KCNQ1: variants seen among roughly 807,000 people sequenced by gnomAD.
KCNQ1 encodes the protein potassium voltage-gated channel subfamily KQT member 1.
In KCNQ1, 49 loss-of-function variants were observed where a neutral mutation model predicts 72.4. The ratio of observed to expected loss-of-function variants is 0.68; its 90% CI spans 0.54 to 0.86. The LOEUF (loss-of-function observed/expected upper bound fraction) is 0.86, where lower values mean the gene tolerates loss of function less well. KCNQ1 is among the 40% of genes least tolerant of loss of function. The probability of loss-of-function intolerance (pLI) is 0.00; values close to 1 mark genes in which losing one functional copy is unlikely to be tolerated. For synonymous variants in KCNQ1, 450 were observed against 412.6 expected (o/e 1.09, Z -1.10); for missense variants, 790 against 945.1 (o/e 0.84, Z 2.15).
At position 2,782,887 on chromosome 11, in the gene KCNQ1, C is replaced by T. The variant is rs1846848055; in HGVS notation, c.1794+4850C>T. On this transcript the variant is annotated intron_variant, in intron 15 of 15. Coordinates refer to ENST00000155840, the MANE Select transcript of KCNQ1 (RefSeq NM_000218.3). This position sits in a 1 kb window ranked among gnomAD's most constrained non-coding sequence, Gnocchi z 6.1. ...TTCGTGGACTTCTGGCTTTGCTGAT[C>T]CTCTCTATTGTGATTTTGTTTTGTT... 6.6e-6 allele frequency among the ~76,000 whole-genome samples: 1 copy of T among 152,018 alleles called. No individual in the cohort carries two copies. The highest frequency in any genetic ancestry group is 2.1e-4 in the South Asian group (1 of 4,814).
chr11:2,758,614 T>C (rs1476141247), intron 11 of KCNQ1, among the ~76,000 whole-genome samples: 2 of 152,228 alleles, frequency 1.3e-5, no homozygotes, highest in Admixed American at 1.3e-4. Flanking sequence ...TGAAAATTTA[T>C]AGAAGCTTTA....
At chr11:2,589,268 G>A (rs1848639313) in intron 10 of KCNQ1, among the ~76,000 whole-genome samples, 1 of 152,204 alleles carries the variant, frequency 6.6e-6, no homozygotes, top group South Asian at 2.1e-4. Context: ...GGCCCTGGAG[G>A]AGCAGCACCA....
chr11:2,707,447 A>T (rs941350716), intron 11 of KCNQ1, among the ~76,000 whole-genome samples: 1 of 151,986 alleles, frequency 6.6e-6, no homozygotes, highest in Non-Finnish European at 1.5e-5. Flanking sequence ...CCTTTTGGGG[A>T]CTGTGCCCCC....
At chr11:2,641,394 C>CT (rs149997993) in intron 10 of KCNQ1, 4,570 of 383,242 alleles carry the variant, frequency 0.012, 118 homozygotes, top group African/African-American at 0.07. Flanking sequence ...TGATGTTGGG[C>CT]TTTTTTTTTT....
chr11:2,733,810 A>ACTCTCTCTCTCTCTCT (rs1564875279), intron 11 of KCNQ1, among the ~76,000 whole-genome samples: 1 of 58,202 alleles, frequency 1.7e-5, no homozygotes, highest in African/African-American at 7.7e-5. Flanking sequence ...ACACACACAC[A>ACTCTCTCTCTCTCTCT]CACACTCTCT....
chr11:2,493,454 G>A lies in KCNQ1; in HGVS notation c.387-34474G>A, dbSNP rs1318778950. Among the ~76,000 whole-genome samples, 2 of 151,932 alleles carry A rather than the reference G, an allele frequency of 1.3e-5. No homozygotes were observed. The highest frequency in any genetic ancestry group is 3.9e-4 in the East Asian group (2 of 5,186). On this transcript the variant is annotated intron_variant, in intron 1 of 15. Coordinates refer to ENST00000155840, the MANE Select transcript of KCNQ1 (RefSeq NM_000218.3). This position sits in a 1 kb window ranked among gnomAD's most constrained non-coding sequence, Gnocchi z 5.3. ...CCTATGTCCTGAATGGTATTGCCTG[G>A]GTATTCTTCTAGGGTTTCCGTGGTT...
At position 2,704,831 on chromosome 11, in the gene KCNQ1, T is replaced by G. The variant is rs1850880436; in HGVS notation, c.1514+42750T>G. On this transcript the variant is annotated intron_variant, in intron 11 of 15. Coordinates refer to ENST00000155840, the MANE Select transcript of KCNQ1 (RefSeq NM_000218.3). This position sits in a 1 kb window ranked among gnomAD's most constrained non-coding sequence, Gnocchi z 4.3. Reference sequence around the variant, plus strand: ...GCATCCAACAGGGGTAGCAGCCTAGTGCATGTATGACCACGAGCGAGCCCA... The same window carrying G: ...GCATCCAACAGGGGTAGCAGCCTAGGGCATGTATGACCACGAGCGAGCCCA... Among the ~76,000 whole-genome samples, 1 of 152,112 alleles carries G rather than the reference T, an allele frequency of 6.6e-6. No individual in the cohort carries two copies. Among genetic ancestry groups the G allele is most frequent in the Non-Finnish European group, 1.5e-5 (1 of 68,000 alleles).
chr11:2,686,889 C>CTGAA (rs1850498543), intron 11 of KCNQ1: 1 of 398,686 alleles, frequency 2.5e-6, no homozygotes, highest in Admixed American at 4.4e-5. Context: ...AGTGACCAGC[C>CTGAA]TGAAGATAGA....
rs948574222 is a variant in KCNQ1 at position 2,781,385 on chromosome 11, G to A, written c.1794+3348G>A. 7.2e-5 allele frequency among the ~76,000 whole-genome samples: 11 copies of A among 152,134 alleles called. No individual in the cohort carries two copies. The East Asian group carries it at 9.7e-4, about 13-fold the overall frequency. On this transcript the variant is annotated intron_variant, in intron 15 of 15. Transcript: ENST00000155840. The surrounding 1 kb of genome is among the most constrained non-coding windows in gnomAD (Gnocchi z 6.6). ...AGGGGTTTCATATCACCCAAAGTCC[G>A]TATGGAGAGGCTGAGGAGGGTTGAG... is the stretch of plus-strand genomic sequence containing the variant.
chr11:2,686,022 T>G (rs1850483657), intron 11 of KCNQ1: 1 of 399,114 alleles, frequency 2.5e-6, no homozygotes. Context: ...GGGCTCACTC[T>G]AAGCCCCGCC....
intron 6 of KCNQ1, among the ~76,000 whole-genome samples, chr11:2,578,162 C>T (rs954980448): frequency 6.6e-6 from 1 of 152,252 alleles, no homozygotes; most frequent in African/African-American, 2.4e-5. Context: ...CGTGCCAAGC[C>T]CTCACCCAGC....
At chr11:2,680,590 C>T in intron 11 of KCNQ1, 1 of 398,410 alleles carries the variant, frequency 2.5e-6, no homozygotes, top group Non-Finnish European at 4.4e-6. Context: ...ACCTAGTCTC[C>T]CCCGATAGTA....
chr11:2,628,840 C>G lies in KCNQ1; in HGVS notation c.1394-33121C>G, dbSNP rs186288172. On this transcript the variant is annotated intron_variant, in intron 10 of 15. Coordinates refer to ENST00000155840, the MANE Select transcript of KCNQ1 (RefSeq NM_000218.3). Reference sequence around the variant, plus strand: ...TTTAATTTTTTTGCATGTGGATATCCTGGTTTCACAGTGCCATTTATTCAA... The same window carrying G: ...TTTAATTTTTTTGCATGTGGATATCGTGGTTTCACAGTGCCATTTATTCAA... 16 of 398,236 alleles carry G rather than the reference C, an allele frequency of 4.0e-5. No homozygotes were observed. The East Asian group carries it at 5.4e-4, about 13-fold the overall frequency. 24.7% of individuals were successfully genotyped at this position (398,236 alleles called of 1,614,324 possible).
intron 2 of KCNQ1, among the ~76,000 whole-genome samples, chr11:2,535,298 G>A (rs942643771): frequency 1.3e-5 from 2 of 152,208 alleles, no homozygotes; most frequent in Non-Finnish European, 2.9e-5. Context: ...GTCTGGGGCA[G>A]CTGGGGACAC....
intron 15 of KCNQ1, among the ~76,000 whole-genome samples, chr11:2,780,565 A>C (rs1564890925): frequency 6.6e-6 from 1 of 152,166 alleles, no homozygotes; most frequent in South Asian, 2.1e-4. Context: ...CCAGCCTCCA[A>C]CTGTTTTCTC....
chr11:2,515,063 C>T lies in KCNQ1; in HGVS notation c.387-12865C>T, dbSNP rs983345460. On this transcript the variant is annotated intron_variant, in intron 1 of 15. Transcript: ENST00000155840. The surrounding 1 kb of genome is among the most constrained non-coding windows in gnomAD (Gnocchi z 4.7). The stretch of plus-strand genomic sequence containing the variant: ...TATTTTATTTTAGATTTGAGGAGTA[C>T]ACATACTTGTCTGTTACGTGCGTAA... 1.3e-5 allele frequency among the ~76,000 whole-genome samples: 2 copies of T among 152,136 alleles called. No homozygotes were observed. The highest frequency in any genetic ancestry group is 6.5e-5 in the Admixed American group (1 of 15,280).
At chr11:2,798,762 G>A (rs1847195086) in intron 15 of KCNQ1, among the ~76,000 whole-genome samples, 1 of 152,176 alleles carries the variant, frequency 6.6e-6, no homozygotes, top group Non-Finnish European at 1.5e-5. Flanking sequence ...AGCAGCTATT[G>A]GGGAAAATGT....
rs528683349 is a variant in KCNQ1, at chr11:2,468,700, C to G, written c.386+23216C>G. Among the ~76,000 whole-genome samples the G allele has an allele frequency of 6.6e-6, 1 of 152,186 alleles. No individual in the cohort carries two copies. The highest frequency in any genetic ancestry group is 1.5e-5 in the Non-Finnish European group (1 of 68,032). ...AGCCAACGCTGGTTTCGTCTGGCTTCTTTTATTCAGCGTCATGATTTTGAG... is the reference window on the plus strand; with the variant it reads ...AGCCAACGCTGGTTTCGTCTGGCTTGTTTTATTCAGCGTCATGATTTTGAG... On this transcript the variant is annotated intron_variant, in intron 1 of 15. Transcript: ENST00000155840. This position sits in a 1 kb window ranked among gnomAD's most constrained non-coding sequence, Gnocchi z 5.7.
At chr11:2,531,999 G>A (rs905440431) in intron 2 of KCNQ1, among the ~76,000 whole-genome samples, 1 of 152,118 alleles carries the variant, frequency 6.6e-6, no homozygotes, top group Non-Finnish European at 1.5e-5. Flanking sequence ...CTCACTCCAG[G>A]CCAAGCCTTG....
Sources: allele counts gnomAD v4.1 joint callset (sites outside exome capture counted in the v4.1 genomes callset), GRCh38; gene constraint gnomAD v4.1.1; non-coding constraint Gnocchi (gnomAD v3.1); transcripts MANE v1.5; gene names NCBI Gene and HGNC (gene_info 2026-07-23, HGNC 2026-07-21).